Variants in FMN1 observed in about 807,000 individuals in gnomAD.
FMN1 encodes formin 1.
Under a neutral mutation model 132.4 loss-of-function variants are expected in FMN1, and 110 were observed. The ratio of observed to expected loss-of-function variants is 0.83; its 90% CI spans 0.71 to 0.97. FMN1 has a LOEUF of 0.97. Among genes scored for constraint, FMN1 ranks in the 50% least tolerant of loss-of-function variants. FMN1 has a pLI of 0.00. For synonymous variants in FMN1, 722 were observed against 651.7 expected, an observed-to-expected ratio of 1.11 and a Z score of -1.64; for missense variants, 1,792 against 1,705.3, an observed-to-expected ratio of 1.05 and a Z score of -0.90.
At chr15:32,839,965 C>G (rs143775763) in intron 17 of FMN1, among the ~76,000 whole-genome samples, 1 of 152,148 alleles carries the variant, frequency 6.6e-6, no homozygotes, top group Non-Finnish European at 1.5e-5. Context: ...GACCAATTTC[C>G]GATTTTTCCC....
At chr15:32,977,353 C>CA (rs1302299878) in intron 7 of FMN1, among the ~76,000 whole-genome samples, 1 of 151,972 alleles carries the variant, frequency 6.6e-6, no homozygotes, top group Non-Finnish European at 1.5e-5. Flanking sequence ...TGCCAATACA[C>CA]AAAAAAAGAT....
At chr15:32,849,245 C>T (rs1367485282) in intron 17 of FMN1, among the ~76,000 whole-genome samples, 1 of 151,642 alleles carries the variant, frequency 6.6e-6, no homozygotes, top group Non-Finnish European at 1.5e-5. Flanking sequence ...CCCGCCTCGG[C>T]CTCCCAAAGT....
chr15:32,935,576 A>T (rs1054336935), intron 9 of FMN1, among the ~76,000 whole-genome samples: 24 of 151,768 alleles, frequency 1.6e-4, no homozygotes, highest in Non-Finnish European at 2.6e-4. Flanking sequence ...TAACTGTCAC[A>T]ATGTGTCTAT....
intron 7 of FMN1, among the ~76,000 whole-genome samples, chr15:32,991,877 C>G (rs2033457117): frequency 6.6e-6 from 1 of 152,106 alleles, no homozygotes; most frequent in African/African-American, 2.4e-5. Context: ...AGAACAACCT[C>G]TTGATCTTGC....
Position 32,815,733 on chromosome 15 carries a change from TAG to T in FMN1, c.3929-11403_3929-11402del, listed in dbSNP as rs549744877. ...GACAGTCAACCTAATGCTTATAAAG[TAG>T]TCTAATACAATGGCCTAGCACAGTC... On this transcript the variant is annotated intron_variant, in intron 17 of 20. Coordinates refer to ENST00000616417, the MANE Select transcript of FMN1 (RefSeq NM_001277313.2). Among the ~76,000 whole-genome samples the T allele has an allele frequency of 2.1e-3, 321 of 152,286 alleles. 2 individuals carry two copies. The highest frequency in any genetic ancestry group is 7.6e-3 in the African/African-American group (315 of 41,556).
At chr15:33,092,407 C>G (rs941034594) in intron 4 of FMN1, among the ~76,000 whole-genome samples, 1 of 152,196 alleles carries the variant, frequency 6.6e-6, no homozygotes, top group African/African-American at 2.4e-5. Flanking sequence ...CACGCACCCA[C>G]GGCCTTTTCT....
At chr15:32,900,399 C>T (rs2060266752) in intron 13 of FMN1, 1 of 579,872 alleles carries the variant, frequency 1.7e-6, no homozygotes, top group South Asian at 1.9e-5. Flanking sequence ...TTCATTTGAG[C>T]CAGTTTAATT....
chr15:33,064,071 A>T (rs1324444319), intron 6 of FMN1: 1 of 152,228 alleles, frequency 6.6e-6, no homozygotes, highest in Non-Finnish European at 1.5e-5. Flanking sequence ...TCACTGGAGT[A>T]ATTTGATATT....
chr15:33,121,120 A>C (rs1045173675), intron 4 of FMN1, among the ~76,000 whole-genome samples: 1 of 129,892 alleles, frequency 7.7e-6, no homozygotes, highest in Non-Finnish European at 1.8e-5. Context: ...AAGAGTATAC[A>C]ATACCCCATC....
rs573343530 is a variant in FMN1 at position 33,159,607 on chromosome 15, T to G, written c.-131-4562A>C. On this transcript the variant is annotated intron_variant, in intron 3 of 20. Coordinates refer to ENST00000616417, the MANE Select transcript of FMN1 (RefSeq NM_001277313.2). ...AATATAAAATGCATGGAGCAGCTAT[T>G]TGAACACTCTAAAAGTAAATGGTAA... Among the ~76,000 whole-genome samples the G allele has an allele frequency of 5.3e-5, 8 of 152,354 alleles. No individual in the cohort carries two copies. The East Asian group carries it at 1.5e-3, about 29-fold the overall frequency.
intron 7 of FMN1, among the ~76,000 whole-genome samples, chr15:33,006,346 C>T (rs2034414359): frequency 6.6e-6 from 1 of 152,118 alleles, no homozygotes; most frequent in African/African-American, 2.4e-5. Context: ...GATGAGATAT[C>T]ACTTCACAAC....
chr15:33,118,726 C>T (rs960765341), intron 4 of FMN1, among the ~76,000 whole-genome samples: 6 of 151,984 alleles, frequency 3.9e-5, no homozygotes, highest in African/African-American at 1.4e-4. Context: ...AATATTTTCA[C>T]CTATTTTGGT....
At position 32,969,480 on chromosome 15, in the gene FMN1, A is replaced by G. The variant is rs1312991766; in HGVS notation, c.2224-3T>C. On this transcript the variant is annotated splice_polypyrimidine_tract_variant and splice_region_variant and intron_variant, in intron 7 of 20. Coordinates refer to ENST00000616417, the MANE Select transcript of FMN1 (RefSeq NM_001277313.2). ...AATGCCCGAAGTTCAAACTGTGCCT[A>G]TAGGAAAATTCAGAGGGAAAGAAAG... 2.5e-6 allele frequency: 4 copies of G among 1,612,406 alleles called. No individual in the cohort carries two copies.
At chr15:32,913,787 G>A (rs2060618951) in intron 10 of FMN1, among the ~76,000 whole-genome samples, 2 of 152,158 alleles carry the variant, frequency 1.3e-5, no homozygotes, top group African/African-American at 4.8e-5. Flanking sequence ...CTTGATAACT[G>A]TCTCCCAGCA....
chr15:32,791,887 G>A (rs2140944238), intron 19 of FMN1, among the ~76,000 whole-genome samples: 1 of 152,240 alleles, frequency 6.6e-6, no homozygotes, highest in Middle Eastern at 3.4e-3. Context: ...TGAAGGCTGG[G>A]TATACAGTTT....
At chr15:32,867,606 A>G (rs953729589) in intron 16 of FMN1, among the ~76,000 whole-genome samples, 1 of 151,562 alleles carries the variant, frequency 6.6e-6, no homozygotes, top group Non-Finnish European at 1.5e-5. Flanking sequence ...TCATGGGTTC[A>G]CGCCATTCTC....
At chr15:33,180,072 A>G (rs1472953671) in intron 3 of FMN1, 126 bp downstream of exon 3, 2 of 152,280 alleles carry the variant, frequency 1.3e-5, no homozygotes, top group Non-Finnish European at 2.9e-5. Flanking sequence ...TAACATAACA[A>G]TGTGGGAGGA....
chr15:33,117,278 A>C (rs971985853), intron 4 of FMN1, among the ~76,000 whole-genome samples: 1 of 152,206 alleles, frequency 6.6e-6, no homozygotes, highest in Non-Finnish European at 1.5e-5. Context: ...AATAACAACG[A>C]AAGTATTTGT....
intron 9 of FMN1, among the ~76,000 whole-genome samples, chr15:32,944,777 G>A (rs1555501929): frequency 6.6e-6 from 1 of 152,032 alleles, no homozygotes; most frequent in Non-Finnish European, 1.5e-5. Context: ...GTGTGGGGGT[G>A]TGATGGGTTG....
Sources: allele counts gnomAD v4.1 joint callset (sites outside exome capture counted in the v4.1 genomes callset), GRCh38; gene constraint gnomAD v4.1.1; transcripts MANE v1.5; gene names NCBI Gene and HGNC (gene_info 2026-07-23, HGNC 2026-07-21).